The following ZNF280D variants were observed in gnomAD, a reference collection of about 807,000 sequenced individuals.
ZNF280D encodes the protein zinc finger protein 280D.
ZNF280D carries 39 observed loss-of-function variants against 94.7 expected under a neutral mutation model. That is an observed-to-expected ratio of 0.41 (90% CI 0.32 to 0.54). The LOEUF is 0.54. ZNF280D is among the 20% of genes least tolerant of loss of function. The pLI is 0.22. For missense variants in ZNF280D, 1,090 were observed against 1,149.3 expected, an observed-to-expected ratio of 0.95 and a Z score of 0.75; for synonymous variants, 398 against 377.6, an observed-to-expected ratio of 1.05 and a Z score of -0.63.
At chr15:56,718,564 G>T (rs944068710) in intron 1 of ZNF280D, among the ~76,000 whole-genome samples, 2 of 152,148 alleles carry the variant, frequency 1.3e-5, no homozygotes, top group Non-Finnish European at 1.5e-5. Flanking sequence ...AATCTACAAT[G>T]AATCTAAATC....
chr15:56,702,910 AACACACACAC>A (rs59095987), intron 4 of ZNF280D, among the ~76,000 whole-genome samples: 4,371 of 135,712 alleles, frequency 0.032, 218 homozygotes, highest in East Asian at 0.25. Flanking sequence ...ATGGTAAGTA[AACACACACAC>A]ACACACACAC....
At chr15:56,725,032 A>G in intron 1 of ZNF280D, 1 of 353,504 alleles carries the variant, frequency 2.8e-6, no homozygotes, top group South Asian at 2.3e-5. Context: ...AGCAAGAGAT[A>G]CGACAGAGAT....
intron 13 of ZNF280D, among the ~76,000 whole-genome samples, chr15:56,675,735 C>A (rs2055188681): frequency 6.6e-6 from 1 of 151,952 alleles, no homozygotes; most frequent in Non-Finnish European, 1.5e-5. Flanking sequence ...AATTTCATGA[C>A]TTAACTAACA....
intron 4 of ZNF280D, 49 bp from the exon 5 acceptor site, chr15:56,701,287 A>G (rs2057051581): frequency 1.7e-6 from 2 of 1,210,498 alleles, no homozygotes; most frequent in Admixed American, 2.3e-5. Context: ...AATGAAATAC[A>G]TATTAAGATA....
intron 3 of ZNF280D, among the ~76,000 whole-genome samples, chr15:56,705,121 C>G (rs1367873970): frequency 6.6e-6 from 1 of 152,134 alleles, no homozygotes; most frequent in African/African-American, 2.4e-5. Context: ...ATTTCCCACT[C>G]TAATGTTATA....
chr15:56,643,866 A>G (rs1326417136), intron 19 of ZNF280D, among the ~76,000 whole-genome samples: 3 of 151,910 alleles, frequency 2.0e-5, no homozygotes, highest in Admixed American at 6.6e-5. Context: ...TAACATAAGC[A>G]GCAACTATAT....
Position 56,676,834 on chromosome 15 carries a change from G to A in ZNF280D, c.1264-18C>T, listed in dbSNP as rs200741566. The A allele has an allele frequency of 5.8e-6, 9 of 1,559,214 alleles. No individual in the cohort carries two copies. Among genetic ancestry groups the A allele is most frequent in the South Asian group, 1.2e-5 (1 of 84,284 alleles). ...TTACAAACCTAAAAAAAGAAAGAAG[G>A]CTTAGTTTAACTTGAAAATTTAAAA... On this transcript the variant is annotated intron_variant, in intron 12 of 21. Coordinates refer to ENST00000267807, the MANE Select transcript of ZNF280D (RefSeq NM_017661.4).
chr15:56,676,851 A>G, intron 12 of ZNF280D, 35 bp from the exon 13 acceptor site: 1 of 1,477,990 alleles, frequency 6.8e-7, no homozygotes, highest in South Asian at 1.2e-5. Context: ...TTAACTTGAA[A>G]ATTTAAAACT....
At chr15:56,638,721 T>A (rs2052472971) in intron 20 of ZNF280D, among the ~76,000 whole-genome samples, 1 of 152,202 alleles carries the variant, frequency 6.6e-6, no homozygotes, top group Admixed American at 6.5e-5. Flanking sequence ...ATTATTTTTA[T>A]TTTTGACAAT....
intron 1 of ZNF280D, among the ~76,000 whole-genome samples, chr15:56,723,855 G>GT (rs11420165): frequency 0.5 from 76,337 of 151,948 alleles, 20,434 homozygotes; most frequent in East Asian, 0.61. Context: ...TGAAAATATC[G>GT]TAAGTTGAAA....
Position 56,654,368 on chromosome 15 carries a change from C to T in ZNF280D, c.2176+17G>A. On this transcript the variant is annotated intron_variant, in intron 18 of 21. Coordinates refer to ENST00000267807, the MANE Select transcript of ZNF280D (RefSeq NM_017661.4). ...TAAAAGTCAAAAATCTAAAGTAGCACAGTTACATATACGTACCTTTCTGCA... is the reference window on the plus strand; with the variant it reads ...TAAAAGTCAAAAATCTAAAGTAGCATAGTTACATATACGTACCTTTCTGCA... 1.2e-6 allele frequency: 2 copies of T among 1,600,484 alleles called. No homozygotes were observed. The highest frequency in any genetic ancestry group is 1.7e-6 in the Non-Finnish European group (2 of 1,176,230).
chr15:56,634,542 G>A (rs1203539337), intron 21 of ZNF280D, among the ~76,000 whole-genome samples: 2 of 151,596 alleles, frequency 1.3e-5, no homozygotes, highest in African/African-American at 2.4e-5. Context: ...TGCTTTTAGG[G>A]ACAAAAGATT....
At chr15:56,694,292 C>T (rs1243520309) in intron 6 of ZNF280D, among the ~76,000 whole-genome samples, 1 of 87,908 alleles carries the variant, frequency 1.1e-5, no homozygotes, top group African/African-American at 4.5e-5. Flanking sequence ...TATAATGACA[C>T]ATACACACAC....
Position 56,631,387 on chromosome 15 carries a change from C to T in ZNF280D, c.*111G>A, listed in dbSNP as rs2052062258. On this transcript the variant is annotated 3_prime_UTR_variant, in exon 22 of 22. Coordinates refer to ENST00000267807, the MANE Select transcript of ZNF280D (RefSeq NM_017661.4). ...CATACAGGTAAAGTGTATGTGTGAC[C>T]TCCCTTACATATTTCCATTTCTGAA... 8.8e-7 allele frequency: 1 copy of T among 1,130,808 alleles called. No homozygotes were observed. Among genetic ancestry groups the T allele is most frequent in the East Asian group, 2.4e-5 (1 of 42,126 alleles). The allele number at this position is 1,130,808 out of a possible 1,614,324, so 70.0% of individuals were successfully genotyped here.
At chr15:56,727,105 G>C (rs551784489) in intron 1 of ZNF280D, among the ~76,000 whole-genome samples, 16 of 152,310 alleles carry the variant, frequency 1.1e-4, no homozygotes, top group African/African-American at 3.9e-4. Context: ...AGTAAAATTT[G>C]TTTATACAAA....
intron 6 of ZNF280D, chr15:56,698,193 A>G (rs1280058229): frequency 1.3e-5 from 2 of 152,206 alleles, no homozygotes; most frequent in Non-Finnish European, 1.5e-5. Flanking sequence ...TTTTAAATGT[A>G]TGTTTTACCC....
rs771423512 is a variant in ZNF280D at position 56,666,875 on chromosome 15, T to C, written c.1657A>G (p.Thr553Ala). 5.6e-6 allele frequency: 9 copies of C among 1,613,816 alleles called. No individual in the cohort carries two copies. In the Admixed American group the frequency reaches 1.3e-4, roughly 24 times the overall value. Reference protein sequence around the residue: ...QLSPPRTKNITAKNPAKSNTS... With the variant: ...QLSPPRTKNIAAKNPAKSNTS... ...TTAGATTTTGCAGGATTTTTAGCAG[T>C]TATATTTTTAGTCCTTGGAGGTGAG... Residue 553 changes from threonine (T) to alanine (A), a missense_variant, in exon 15 of 22, where the codon ACT becomes GCT. By Grantham distance (58) the Thr-to-Ala change is moderately conservative. Coordinates refer to ENST00000267807, the MANE Select transcript of ZNF280D (RefSeq NM_017661.4).
At chr15:56,666,255 T>A (rs977101081) in intron 16 of ZNF280D, 140 bp downstream of exon 16, 1 of 729,992 alleles carries the variant, frequency 1.4e-6, no homozygotes. Flanking sequence ...CCAGGCAATA[T>A]CCTAAAAGTT....
chr15:56,650,986 C>G (rs1205437247), intron 19 of ZNF280D, among the ~76,000 whole-genome samples: 1 of 152,148 alleles, frequency 6.6e-6, no homozygotes, highest in Non-Finnish European at 1.5e-5. Flanking sequence ...ATTCATATTT[C>G]TCCATAGTAT....
Sources: allele counts gnomAD v4.1 joint callset (sites outside exome capture counted in the v4.1 genomes callset), GRCh38; gene constraint gnomAD v4.1.1; transcripts MANE v1.5; gene names NCBI Gene and HGNC (gene_info 2026-07-23, HGNC 2026-07-21).